The following ZNF248 variants were observed in gnomAD, a reference collection of about 807,000 sequenced individuals.
The protein encoded by ZNF248 is KRAB protein domain.
ZNF248 carries 20 observed loss-of-function variants against 44.3 expected under a neutral mutation model. That is an observed-to-expected ratio of 0.45 (90% CI 0.32 to 0.66). The LOEUF (loss-of-function observed/expected upper bound fraction) is 0.66, where lower values mean the gene tolerates loss of function less well. ZNF248 is among the 30% of genes least tolerant of loss of function. The pLI is 0.04. For missense variants in ZNF248, 654 were observed against 677.0 expected, an observed-to-expected ratio of 0.97 and a Z score of 0.38; for synonymous variants, 224 against 229.0, an observed-to-expected ratio of 0.98 and a Z score of 0.20.
the ZNF248 span, among the ~76,000 whole-genome samples, chr10:37,764,518 C>T: frequency 6.6e-6 from 1 of 152,126 alleles, no homozygotes; most frequent in East Asian, 1.9e-4. Flanking sequence ...CTAGAACACT[C>T]CCTCCCCTTT....
Position 37,838,066 on chromosome 10 carries a change from C to T in ZNF248, c.61G>A (p.Glu21Lys). 1 of 1,613,692 alleles carries T rather than the reference C, an allele frequency of 6.2e-7. No homozygotes were observed. The highest frequency in any genetic ancestry group is 8.5e-7 in the Non-Finnish European group (1 of 1,179,716). The change falls in exon 4 of 6, where the codon GAG (glutamate) becomes AAG (lysine). Residue 21 changes from glutamate to lysine, a missense_variant. Transcript: ENST00000395867. ...TGAGCAGGGTCCAGCAGATACCACT[C>T]TTCCTGAGTGAAGTCCACACATACA... is the stretch of plus-strand genomic sequence containing the variant. ...KDVCVDFTQEEWYLLDPAQKI... is the reference protein window; with the variant it reads ...KDVCVDFTQEKWYLLDPAQKI...
chr10:37,801,194 G>A (rs965304216), intron 6 of ZNF248, among the ~76,000 whole-genome samples: 1 of 151,816 alleles, frequency 6.6e-6, no homozygotes, highest in African/African-American at 2.4e-5. Flanking sequence ...GGCTAACATG[G>A]TGAAACCCCA....
intron 6 of ZNF248, among the ~76,000 whole-genome samples, chr10:37,779,196 G>A (rs2046981214): frequency 6.6e-6 from 1 of 152,146 alleles, no homozygotes; most frequent in East Asian, 1.9e-4. Flanking sequence ...CCAAAGCCAG[G>A]CAGAGACACA....
At chr10:37,777,299 T>C (rs1218898168) in intron 6 of ZNF248, among the ~76,000 whole-genome samples, 1 of 152,224 alleles carries the variant, frequency 6.6e-6, no homozygotes, top group African/African-American at 2.4e-5. Context: ...TTGCAACTCC[T>C]GAACAGTAAC....
intron 6 of ZNF248, among the ~76,000 whole-genome samples, chr10:37,793,842 C>A (rs925822129): frequency 1.3e-5 from 2 of 152,140 alleles, no homozygotes; most frequent in African/African-American, 4.8e-5. Flanking sequence ...AAATATTTCA[C>A]ATCACATCTG....
intron 5 of ZNF248, among the ~76,000 whole-genome samples, chr10:37,833,926 A>G (rs1434363651): frequency 3.9e-5 from 6 of 152,138 alleles, no homozygotes; most frequent in Non-Finnish European, 8.8e-5. Context: ...AAACATAAGA[A>G]TTAGGTTTGG....
At chr10:37,803,850 A>G (rs2050139881) in intron 6 of ZNF248, 1 of 152,790 alleles carries the variant, frequency 6.5e-6, no homozygotes, top group Non-Finnish European at 1.5e-5. Context: ...AGAAACTTCA[A>G]TCATACTGCC....
At chr10:37,775,233 G>T (rs1170041323), downstream of ZNF248, 1 of 151,982 alleles carries the variant, frequency 6.6e-6, no homozygotes, top group Non-Finnish European at 1.5e-5. Flanking sequence ...TTAATATGTT[G>T]ACTTTTCCCT....
intron 6 of ZNF248, among the ~76,000 whole-genome samples, chr10:37,818,219 T>C (rs1021041864): frequency 1.3e-5 from 2 of 152,172 alleles, no homozygotes; most frequent in Non-Finnish European, 2.9e-5. Flanking sequence ...CCCGGCCTTC[T>C]AGTCTGTATT....
chr10:37,847,039 T>C (rs1183225791), intron 3 of ZNF248, among the ~76,000 whole-genome samples: 5 of 152,170 alleles, frequency 3.3e-5, no homozygotes, highest in African/African-American at 7.2e-5. Flanking sequence ...TTTGTTGTTG[T>C]TGCTGCTGTT....
At chr10:37,777,906 G>GTGCCACAT (rs1308274036) in intron 6 of ZNF248, among the ~76,000 whole-genome samples, 6 of 152,016 alleles carry the variant, frequency 3.9e-5, no homozygotes, top group Admixed American at 3.3e-4. Context: ...CGGTGTATAT[G>GTGCCACAT]TGCCACATTT....
the ZNF248 span, among the ~76,000 whole-genome samples, chr10:37,760,185 T>C: frequency 6.6e-6 from 1 of 152,096 alleles, no homozygotes; most frequent in Non-Finnish European, 1.5e-5. Flanking sequence ...TTAACAAAAA[T>C]ATATGGGGGG....
the ZNF248 span, among the ~76,000 whole-genome samples, chr10:37,770,369 A>G: frequency 2.0e-5 from 3 of 152,234 alleles, no homozygotes; most frequent in Non-Finnish European, 4.4e-5. Flanking sequence ...CCTGACTTCA[A>G]ACTATACTAC....
At chr10:37,847,045 C>A (rs1469674508) in intron 3 of ZNF248, among the ~76,000 whole-genome samples, 1 of 151,978 alleles carries the variant, frequency 6.6e-6, no homozygotes. Flanking sequence ...GTTGTTGCTG[C>A]TGTTGTTTGA....
At chr10:37,791,866 C>T (rs2048588581) in intron 6 of ZNF248, 3 of 152,188 alleles carry the variant, frequency 2.0e-5, no homozygotes, top group Admixed American at 1.3e-4. Flanking sequence ...TGGACTGAAA[C>T]AGTTTATGCC....
At chr10:37,768,293 A>G in the ZNF248 span, among the ~76,000 whole-genome samples, 2 of 152,218 alleles carry the variant, frequency 1.3e-5, no homozygotes, top group Non-Finnish European at 2.9e-5. Context: ...ACATCTACAG[A>G]AATCTCCACC....
chr10:37,782,892 T>C (rs1393235720), intron 6 of ZNF248, among the ~76,000 whole-genome samples: 1 of 152,150 alleles, frequency 6.6e-6, no homozygotes, highest in East Asian at 1.9e-4. Flanking sequence ...AATAAATTTC[T>C]ATTGTTTAAG....
At position 37,831,122 on chromosome 10, in the gene ZNF248, C is replaced by G; in HGVS notation, c.*493G>C. 7.0e-7 allele frequency: 1 copy of G among 1,421,822 alleles called. No individual in the cohort carries two copies. Among genetic ancestry groups the G allele is most frequent in the Non-Finnish European group, 9.2e-7 (1 of 1,084,370 alleles). The allele number at this position is 1,421,822 out of a possible 1,614,324, so 88.1% of individuals were successfully genotyped here. On this transcript the variant is annotated 3_prime_UTR_variant, in exon 6 of 6. Transcript: ENST00000395867. ...TGGTATTTAGTGTAGAAAATATTAA[C>G]AAATACCATAGTAGTTACTCAATTA... is the stretch of plus-strand genomic sequence containing the variant.
intron 3 of ZNF248, among the ~76,000 whole-genome samples, chr10:37,842,239 T>A (rs943903608): frequency 6.6e-6 from 1 of 151,800 alleles, no homozygotes; most frequent in Non-Finnish European, 1.5e-5. Flanking sequence ...GAGGACAAGA[T>A]TAATGAAGTG....
Sources: allele counts gnomAD v4.1 joint callset (sites outside exome capture counted in the v4.1 genomes callset), GRCh38; gene constraint gnomAD v4.1.1; transcripts MANE v1.5; gene names NCBI Gene and HGNC (gene_info 2026-07-23, HGNC 2026-07-21).